VAV2: variants seen among roughly 807,000 people sequenced by gnomAD.
VAV2 encodes vav guanine nucleotide exchange factor 2, also known as guanine nucleotide exchange factor VAV2.
A neutral mutation model predicts 132.5 loss-of-function variants in VAV2; 67 were observed. The ratio of observed to expected loss-of-function variants is 0.51; its 90% CI spans 0.42 to 0.62. The LOEUF (loss-of-function observed/expected upper bound fraction) is 0.62, where lower values mean the gene tolerates loss of function less well. Ranked by LOEUF, VAV2 falls within the 20% of genes least tolerant of loss-of-function variation. The probability of loss-of-function intolerance (pLI) is 0.00; values close to 1 mark genes in which losing one functional copy is unlikely to be tolerated. For synonymous variants in VAV2, 492 were observed against 443.5 expected, an observed-to-expected ratio of 1.11 and a Z score of -1.37; for missense variants, 938 against 1,153.6, an observed-to-expected ratio of 0.81 and a Z score of 2.71.
chr9:133,955,425 C>G (rs1164667102), intron 1 of VAV2, among the ~76,000 whole-genome samples: 1 of 131,880 alleles, frequency 7.6e-6, no homozygotes, highest in Non-Finnish European at 1.6e-5. Flanking sequence ...CCCCACCCCC[C>G]TGCTTCTCCC....
intron 2 of VAV2, among the ~76,000 whole-genome samples, chr9:133,875,134 A>G (rs945693209): frequency 1.3e-5 from 2 of 152,156 alleles, no homozygotes; most frequent in African/African-American, 4.8e-5. Context: ...CGTTTCTTTC[A>G]CTGCCCCCAA....
In VAV2 at chr9:133,824,219, G is replaced by A. The variant is rs890106437; in HGVS notation, c.449+10053C>T. ...TCTGTTAACAGGGAAGGTGCGGACAGGGAGCTCCCGCCCAGCAGTCCCACA... is the reference window on the plus strand; with the variant it reads ...TCTGTTAACAGGGAAGGTGCGGACAAGGAGCTCCCGCCCAGCAGTCCCACA... On this transcript the variant is annotated intron_variant, in intron 4 of 29. Transcript: ENST00000371850. The surrounding 1 kb of genome is among the most constrained non-coding windows in gnomAD (Gnocchi z 5.2). Among the ~76,000 whole-genome samples the A allele has an allele frequency of 6.6e-6, 1 of 152,174 alleles. No individual in the cohort carries two copies. Among genetic ancestry groups the A allele is most frequent in the Admixed American group, 6.5e-5 (1 of 15,278 alleles).
At chr9:133,943,535 G>C (rs1164441430) in intron 1 of VAV2, among the ~76,000 whole-genome samples, 1 of 152,186 alleles carries the variant, frequency 6.6e-6, no homozygotes, top group Non-Finnish European at 1.5e-5. Context: ...GCTTCCCCCA[G>C]CATCCTGGAC....
intron 3 of VAV2, 148 bp downstream of exon 3, chr9:133,861,226 A>C (rs2131867159): frequency 2.2e-3 from 1,249 of 566,578 alleles, no homozygotes; most frequent in East Asian, 7.8e-3. Flanking sequence ...TGCAGCCGCC[A>C]ACGGGTTACG....
chr9:133,818,820 G>A (rs1835670613), intron 4 of VAV2, among the ~76,000 whole-genome samples: 1 of 152,096 alleles, frequency 6.6e-6, no homozygotes, highest in Non-Finnish European at 1.5e-5. Flanking sequence ...TCTTGCGTTT[G>A]GTGATTTCTT....
intron 1 of VAV2, among the ~76,000 whole-genome samples, chr9:133,975,968 C>T (rs981562924): frequency 6.6e-5 from 10 of 151,678 alleles, no homozygotes; most frequent in African/African-American, 9.7e-5. Context: ...GAGGCTGAGG[C>T]GGGTGGATCA....
chr9:133,777,217 GC>G (rs1260064714), intron 23 of VAV2, among the ~76,000 whole-genome samples, 171 bp downstream of exon 23: 3 of 151,908 alleles, frequency 2.0e-5, no homozygotes, highest in Non-Finnish European at 2.9e-5. Context: ...CTGCCCCACA[GC>G]CCCCCACCCA....
chr9:133,972,000 C>G (rs928834854), intron 1 of VAV2, among the ~76,000 whole-genome samples: 2 of 152,162 alleles, frequency 1.3e-5, no homozygotes, highest in Admixed American at 6.5e-5. Context: ...CAGATAGGCA[C>G]AGAAGGGAAG....
chr9:133,938,989 T>G (rs1296813521), intron 2 of VAV2, 114 bp downstream of exon 2: 21 of 956,678 alleles, frequency 2.2e-5, no homozygotes, highest in Non-Finnish European at 3.4e-5. Context: ...AGAAATCCAC[T>G]GGCTCTGTGT....
intron 2 of VAV2, among the ~76,000 whole-genome samples, chr9:133,930,308 C>T (rs111626317): frequency 0.026 from 3,938 of 150,614 alleles, 144 homozygotes; most frequent in African/African-American, 0.091. Flanking sequence ...CTCCTCACTC[C>T]CTCCTGGCAT....
At chr9:133,887,154 C>T (rs1838745089) in intron 2 of VAV2, among the ~76,000 whole-genome samples, 1 of 152,204 alleles carries the variant, frequency 6.6e-6, no homozygotes, top group African/African-American at 2.4e-5. Context: ...GAGGTAGGGG[C>T]CATCTGCTGG....
chr9:133,770,827 A>T (rs1833596075), intron 26 of VAV2, among the ~76,000 whole-genome samples: 1 of 152,224 alleles, frequency 6.6e-6, no homozygotes, highest in Non-Finnish European at 1.5e-5. Flanking sequence ...AAATAACAGG[A>T]TCTCCAAGTG....
At position 133,863,423 on chromosome 9, in the gene VAV2, A is replaced by G. The variant is rs1837677600; in HGVS notation, c.322-1991T>C. On this transcript the variant is annotated intron_variant, in intron 2 of 29. Coordinates refer to ENST00000371850, the MANE Select transcript of VAV2 (RefSeq NM_001134398.2). The surrounding 1 kb of genome is among the most constrained non-coding windows in gnomAD (Gnocchi z 5.0). ...GCAAAGGCCCCAGGTCGGGTCGTAC[A>G]GATGGAACCGGGTCGTACAGATGGA... 7.2e-6 allele frequency among the ~76,000 whole-genome samples: 1 copy of G among 138,956 alleles called. No individual in the cohort carries two copies. The highest frequency in any genetic ancestry group is 3.2e-5 in the African/African-American group (1 of 31,278). 91.2% of individuals were successfully genotyped at this position (138,956 alleles called of 152,430 possible). A position where few individuals can be genotyped will look rare whatever the true frequency, so the allele number is the denominator to read the frequency against.
intron 19 of VAV2, among the ~76,000 whole-genome samples, 186 bp downstream of exon 19, chr9:133,783,317 T>A (rs1462772346): frequency 3.3e-5 from 5 of 152,028 alleles, no homozygotes; most frequent in Admixed American, 6.5e-5. Context: ...CCCGGCTGTG[T>A]CTCCTGTTAA....
At chr9:133,803,898 C>A (rs1835035247) in intron 9 of VAV2, among the ~76,000 whole-genome samples, 5 of 152,180 alleles carry the variant, frequency 3.3e-5, no homozygotes, top group Non-Finnish European at 7.3e-5. Context: ...CTCACCTTCC[C>A]CTAAGCTTCT....
intron 4 of VAV2, among the ~76,000 whole-genome samples, chr9:133,822,063 C>T (rs531018010): frequency 6.6e-6 from 1 of 152,246 alleles, no homozygotes; most frequent in Non-Finnish European, 1.5e-5. Context: ...ACCTTCTGCC[C>T]GAGACCCTGA....
intron 2 of VAV2, among the ~76,000 whole-genome samples, chr9:133,937,130 C>G (rs1447984605): frequency 1.3e-5 from 2 of 152,198 alleles, no homozygotes; most frequent in Non-Finnish European, 2.9e-5. Context: ...CAGGGTTTTC[C>G]TGTATTTTTC....
intron 1 of VAV2, among the ~76,000 whole-genome samples, chr9:133,951,372 G>C (rs734997): frequency 0.8 from 121,038 of 152,156 alleles, 48,405 homozygotes; most frequent in African/African-American, 0.89. Flanking sequence ...GGGGCTTTCA[G>C]CCTGAAAAGT....
intron 2 of VAV2, among the ~76,000 whole-genome samples, chr9:133,902,999 C>T (rs1042852469): frequency 1.3e-5 from 2 of 150,206 alleles, no homozygotes; most frequent in Admixed American, 1.3e-4. Context: ...CACTTGAACC[C>T]GGGAAGTAGA....
Sources: gnomAD v4.1 joint callset for allele counts (sites outside exome capture counted in the v4.1 genomes callset) on GRCh38, gnomAD v4.1.1 for gene constraint, Gnocchi (gnomAD v3.1) non-coding constraint, MANE v1.5 for transcripts, NCBI Gene and HGNC (gene_info 2026-07-23, HGNC 2026-07-21) for gene names.